SCD5: variants seen among roughly 807,000 people sequenced by gnomAD.
The protein encoded by SCD5 is acyl-CoA-desaturase 4.
In SCD5, 20 loss-of-function variants were observed where a neutral mutation model predicts 30.4. The ratio of observed to expected loss-of-function variants is 0.66; its 90% CI spans 0.46 to 0.96. SCD5 has a LOEUF of 0.96. SCD5 is among the 40% of genes least tolerant of loss of function. The pLI is 0.00. For missense variants in SCD5, 381 were observed against 443.3 expected (o/e 0.86, Z 1.26); for synonymous variants, 173 against 176.4 (o/e 0.98, Z 0.16).
chr4:82,661,876 C>G (rs1728016869), intron 3 of SCD5, among the ~76,000 whole-genome samples: 1 of 152,172 alleles, frequency 6.6e-6, no homozygotes, highest in African/African-American at 2.4e-5. Flanking sequence ...ATTCACCTAC[C>G]TAGACACCAG....
intron 2 of SCD5, among the ~76,000 whole-genome samples, chr4:82,693,540 TTACTC>T (rs1370242467): frequency 6.6e-6 from 1 of 151,554 alleles, no homozygotes; most frequent in African/African-American, 2.4e-5. Context: ...TTATTGGAAA[TTACTC>T]TACAGCAAAA....
At chr4:82,752,008 G>C (rs974234532) in intron 1 of SCD5, among the ~76,000 whole-genome samples, 9 of 152,140 alleles carry the variant, frequency 5.9e-5, no homozygotes, top group Non-Finnish European at 1.2e-4. Flanking sequence ...TCTAAAAATA[G>C]AACAGTGACA....
chr4:82,718,361 C>G (rs919005624), intron 1 of SCD5, among the ~76,000 whole-genome samples: 5 of 151,756 alleles, frequency 3.3e-5, no homozygotes, highest in African/African-American at 9.7e-5. Context: ...TTGGGAGGAG[C>G]TGTTTCTCTC....
intron 1 of SCD5, among the ~76,000 whole-genome samples, chr4:82,765,281 AT>A (rs562785131): frequency 2.7e-4 from 41 of 152,148 alleles, no homozygotes; most frequent in African/African-American, 9.6e-4. Flanking sequence ...GTTGATAGGA[AT>A]TTTTTCTTTC....
intron 1 of SCD5, among the ~76,000 whole-genome samples, chr4:82,753,625 T>C (rs1721156410): frequency 6.6e-6 from 1 of 152,198 alleles, no homozygotes; most frequent in Non-Finnish European, 1.5e-5. Flanking sequence ...AAAGAAGTCA[T>C]TTAATTTGGC....
intron 1 of SCD5, among the ~76,000 whole-genome samples, chr4:82,737,289 G>A (rs983241082): frequency 2.0e-5 from 3 of 152,166 alleles, no homozygotes; most frequent in Non-Finnish European, 4.4e-5. Context: ...TTTTCTAGTT[G>A]TAATGCCTCT....
intron 1 of SCD5, among the ~76,000 whole-genome samples, chr4:82,797,537 G>A (rs1462390465): frequency 6.6e-6 from 1 of 152,054 alleles, no homozygotes; most frequent in Admixed American, 6.5e-5. Context: ...TGCACGGAAG[G>A]AGGGTACCAG....
chr4:82,787,704 G>GACCCTCT (rs1722015337), intron 1 of SCD5, among the ~76,000 whole-genome samples: 1 of 152,150 alleles, frequency 6.6e-6, no homozygotes. Context: ...GAACCATCAG[G>GACCCTCT]AATGGGATTA....
intron 3 of SCD5, among the ~76,000 whole-genome samples, chr4:82,673,165 T>C (rs971531969): frequency 6.6e-6 from 1 of 152,120 alleles, no homozygotes; most frequent in East Asian, 1.9e-4. Flanking sequence ...AAGTCCTACC[T>C]AATGCAATAA....
chr4:82,714,623 G>T (rs1319227605), intron 1 of SCD5, among the ~76,000 whole-genome samples: 1 of 152,082 alleles, frequency 6.6e-6, no homozygotes, highest in African/African-American at 2.4e-5. Flanking sequence ...AATGAAGGGA[G>T]TAAAACAGGC....
chr4:82,753,317 G>T, intron 1 of SCD5: 2 of 526,876 alleles, frequency 3.8e-6, no homozygotes, highest in East Asian at 5.5e-5. Flanking sequence ...GGTGGGGGTG[G>T]GGGGTTCTGT....
intron 3 of SCD5, among the ~76,000 whole-genome samples, chr4:82,640,115 T>A (rs1354767352): frequency 6.6e-6 from 1 of 152,092 alleles, no homozygotes; most frequent in Non-Finnish European, 1.5e-5. Context: ...CTGACCCCAG[T>A]CCTGTGGAAT....
intron 1 of SCD5, among the ~76,000 whole-genome samples, chr4:82,726,627 A>G (rs1372301913): frequency 6.6e-6 from 1 of 152,008 alleles, no homozygotes; most frequent in Non-Finnish European, 1.5e-5. Flanking sequence ...AACACACACA[A>G]ATATGACTGA....
intron 1 of SCD5, among the ~76,000 whole-genome samples, chr4:82,710,277 C>T (rs1720053983): frequency 6.6e-6 from 1 of 152,156 alleles, no homozygotes; most frequent in African/African-American, 2.4e-5. Context: ...TCTCGATTTA[C>T]AAACAGAGAG....
intron 1 of SCD5, among the ~76,000 whole-genome samples, chr4:82,742,195 C>T (rs777954882): frequency 2.0e-5 from 3 of 152,136 alleles, no homozygotes; most frequent in Non-Finnish European, 4.4e-5. Flanking sequence ...ACAGCTGGAA[C>T]CAGCAGACAT....
rs6820844 is a variant in SCD5 at position 82,716,018 on chromosome 4, T to C, written c.233-10605A>G. ...AAAGTCAATGTTATCATTTTTTTGA[T>C]CTGCTAATATTTGTTCAGTACAATG... On this transcript the variant is annotated intron_variant, in intron 1 of 4. Coordinates refer to ENST00000319540, the MANE Select transcript of SCD5 (RefSeq NM_001037582.3). Among the ~76,000 whole-genome samples, 1,004 of 151,920 alleles carry C rather than the reference T, an allele frequency of 6.6e-3. 33 individuals carry two copies. Among genetic ancestry groups the C allele is most frequent in the South Asian group, 0.036 (172 of 4,828 alleles).
chr4:82,765,313 C>G (rs1721463192), intron 1 of SCD5, among the ~76,000 whole-genome samples: 1 of 152,108 alleles, frequency 6.6e-6, no homozygotes, highest in Non-Finnish European at 1.5e-5. Context: ...AGATATTACT[C>G]CACTGCCTTC....
intron 1 of SCD5, among the ~76,000 whole-genome samples, chr4:82,790,754 T>C (rs997184311): frequency 6.6e-6 from 1 of 152,002 alleles, no homozygotes; most frequent in African/African-American, 2.4e-5. Flanking sequence ...AACTGAATAA[T>C]GGTTCTCAGC....
intron 3 of SCD5, among the ~76,000 whole-genome samples, chr4:82,648,035 A>G (rs1474396128): frequency 6.6e-6 from 1 of 152,240 alleles, no homozygotes; most frequent in Non-Finnish European, 1.5e-5. Flanking sequence ...CTATTATTTT[A>G]TAAACAAAGC....
Sources: allele counts gnomAD v4.1 joint callset (sites outside exome capture counted in the v4.1 genomes callset), GRCh38; gene constraint gnomAD v4.1.1; transcripts MANE v1.5; gene names NCBI Gene and HGNC (gene_info 2026-07-23, HGNC 2026-07-21).